PBX3: variants seen among roughly 807,000 people sequenced by gnomAD.
PBX3 encodes PBX homeobox 3, also known as pre-B-cell leukemia transcription factor 3.
Under a neutral mutation model 48.5 loss-of-function variants are expected in PBX3, and 14 were observed. The observed-to-expected ratio is 0.29, with a 90% CI of 0.19 to 0.45. The LOEUF (loss-of-function observed/expected upper bound fraction) is 0.45, where lower values mean the gene tolerates loss of function less well. PBX3 is among the 20% of genes least tolerant of loss of function. PBX3 has a pLI of 1.00. For missense variants in PBX3, 386 were observed against 546.7 expected, an observed-to-expected ratio of 0.71 and a Z score of 2.93; for synonymous variants, 210 against 200.3, an observed-to-expected ratio of 1.05 and a Z score of -0.41.
chr9:125,929,013 A>G (rs966593418), intron 3 of PBX3, among the ~76,000 whole-genome samples: 4 of 152,314 alleles, frequency 2.6e-5, no homozygotes, highest in Admixed American at 1.3e-4. Flanking sequence ...AACTTGCAAC[A>G]TACTGTTATT....
intron 5 of PBX3, among the ~76,000 whole-genome samples, chr9:125,956,788 C>T (rs2118794444): frequency 6.6e-6 from 1 of 152,302 alleles, no homozygotes; most frequent in African/African-American, 2.4e-5. Flanking sequence ...CAGCGTAGTC[C>T]CTTTCCCTTC....
chr9:125,777,983 T>C (rs12238342), intron 2 of PBX3, among the ~76,000 whole-genome samples: 2,900 of 149,646 alleles, frequency 0.019, 166 homozygotes, highest in East Asian at 0.16. Context: ...TTTTTTGAGA[T>C]GGAGTGTCAC....
chr9:125,958,218 C>T (rs1356684360), intron 5 of PBX3, among the ~76,000 whole-genome samples: 1 of 152,224 alleles, frequency 6.6e-6, no homozygotes, highest in African/African-American at 2.4e-5. Flanking sequence ...CCACTGACCC[C>T]AGAGCTAGTC....
At chr9:125,822,127 A>G (rs1014498563) in intron 2 of PBX3, among the ~76,000 whole-genome samples, 1 of 152,170 alleles carries the variant, frequency 6.6e-6, no homozygotes, top group Non-Finnish European at 1.5e-5. Flanking sequence ...AAACTGTGCT[A>G]TGAAGAATTA....
At chr9:125,870,652 C>T (rs565465280) in intron 2 of PBX3, among the ~76,000 whole-genome samples, 11 of 152,216 alleles carry the variant, frequency 7.2e-5, no homozygotes, top group African/African-American at 2.6e-4. Context: ...CACAGCCAAA[C>T]CCTATCACCA....
intron 2 of PBX3, among the ~76,000 whole-genome samples, chr9:125,809,716 A>T (rs1007468114): frequency 6.6e-6 from 1 of 152,196 alleles, no homozygotes; most frequent in Non-Finnish European, 1.5e-5. Flanking sequence ...TATTAAAATT[A>T]AGAATTTCTG....
intron 2 of PBX3, among the ~76,000 whole-genome samples, chr9:125,885,659 G>C (rs139937304): frequency 7.0e-4 from 106 of 152,202 alleles, no homozygotes; most frequent in African/African-American, 2.5e-3. Context: ...AAGAGAGAAT[G>C]TTCTCCCTGG....
chr9:125,869,356 A>T (rs1166670077), intron 2 of PBX3, among the ~76,000 whole-genome samples: 1 of 152,234 alleles, frequency 6.6e-6, no homozygotes, highest in Non-Finnish European at 1.5e-5. Flanking sequence ...GCAATATTCA[A>T]GTAGATATTT....
At chr9:125,751,840 G>A (rs1265727277) in intron 2 of PBX3, among the ~76,000 whole-genome samples, 1 of 152,002 alleles carries the variant, frequency 6.6e-6, no homozygotes, top group African/African-American at 2.4e-5. Context: ...TTTGGTGTAT[G>A]CCCCCACCTC....
intron 2 of PBX3, among the ~76,000 whole-genome samples, chr9:125,785,938 A>T (rs767827044): frequency 2.2e-4 from 32 of 148,780 alleles, no homozygotes; most frequent in Admixed American, 2.7e-4. Context: ...GACTGTTTAA[A>T]GTCGCTTTTT....
intron 3 of PBX3, among the ~76,000 whole-genome samples, chr9:125,922,995 T>C (rs1425481014): frequency 4.6e-5 from 7 of 152,380 alleles, no homozygotes; most frequent in Admixed American, 6.5e-5. Context: ...TAATTAATCA[T>C]GTATGAACTA....
chr9:125,845,470 A>G (rs1273450873), intron 2 of PBX3, among the ~76,000 whole-genome samples: 3 of 152,132 alleles, frequency 2.0e-5, no homozygotes, highest in African/African-American at 4.8e-5. Flanking sequence ...CAATGATGCA[A>G]TCTTTTTCCT....
intron 2 of PBX3, among the ~76,000 whole-genome samples, chr9:125,899,174 A>G (rs1429236652): frequency 2.0e-5 from 3 of 146,990 alleles, no homozygotes; most frequent in Non-Finnish European, 4.5e-5. Flanking sequence ...CTTATTGTGT[A>G]CTTCACATTC....
intron 2 of PBX3, among the ~76,000 whole-genome samples, chr9:125,856,615 C>T (rs772387851): frequency 1.1e-4 from 16 of 152,118 alleles, no homozygotes; most frequent in Admixed American, 2.0e-4. Flanking sequence ...AACTAAACCC[C>T]GTTTGGCAGT....
intron 3 of PBX3, among the ~76,000 whole-genome samples, chr9:125,928,099 C>T (rs1841620495): frequency 6.6e-6 from 1 of 151,886 alleles, no homozygotes; most frequent in African/African-American, 2.4e-5. Context: ...AGGAGAATTG[C>T]TTAAACTCAG....
chr9:125,933,579 C>G lies in PBX3; in HGVS notation c.708-1893C>G, dbSNP rs144655643. Among the ~76,000 whole-genome samples the G allele has an allele frequency of 3.3e-5, 5 of 152,234 alleles. No homozygotes were observed. The East Asian group carries it at 7.7e-4, about 24-fold the overall frequency. Reference sequence around the variant, plus strand: ...ATCTACCCTGGGCCTTGCTCCTGGGCACCAGGAGCTTGCTTACATATAGTG... The same window carrying G: ...ATCTACCCTGGGCCTTGCTCCTGGGGACCAGGAGCTTGCTTACATATAGTG... On this transcript the variant is annotated intron_variant, in intron 4 of 8. Transcript: ENST00000373489.
intron 2 of PBX3, among the ~76,000 whole-genome samples, chr9:125,834,611 C>T (rs566977375): frequency 4.9e-4 from 74 of 151,194 alleles, no homozygotes; most frequent in African/African-American, 1.6e-3. Flanking sequence ...TTGACTAAGC[C>T]GGTCTTGAAC....
chr9:125,766,354 A>G (rs1291742700), intron 2 of PBX3, among the ~76,000 whole-genome samples: 1 of 152,130 alleles, frequency 6.6e-6, no homozygotes, highest in Non-Finnish European at 1.5e-5. Context: ...AAAGTAATTT[A>G]TATGTATTAC....
chr9:125,923,202 C>T (rs963677294), intron 3 of PBX3, among the ~76,000 whole-genome samples: 23 of 152,178 alleles, frequency 1.5e-4, no homozygotes, highest in African/African-American at 5.6e-4. Context: ...TTTGGCTGCT[C>T]TTTAGAATCC....
Sources: gnomAD v4.1 joint callset for allele counts (sites outside exome capture counted in the v4.1 genomes callset) on GRCh38, gnomAD v4.1.1 for gene constraint, MANE v1.5 for transcripts, NCBI Gene and HGNC (gene_info 2026-07-23, HGNC 2026-07-21) for gene names.